Variants in COG2 observed in about 807,000 individuals in gnomAD.
The protein encoded by COG2 is conserved oligomeric Golgi complex subunit 2.
A neutral mutation model predicts 90.6 loss-of-function variants in COG2; 52 were observed. That is an observed-to-expected ratio of 0.57 (90% CI 0.46 to 0.72). The LOEUF is 0.72. Ranked by LOEUF, COG2 falls within the 30% of genes least tolerant of loss-of-function variation. The pLI, the probability that COG2 is intolerant of heterozygous loss-of-function variation, is 0.00. For synonymous variants in COG2, 337 were observed against 320.4 expected (o/e 1.05, Z -0.55); for missense variants, 829 against 891.2 (o/e 0.93, Z 0.89).
Position 230,663,062 on chromosome 1 carries a change from G to A in COG2, c.301-79G>A, listed in dbSNP as rs2296802. ...TACTGGCCTGTAGGTGTTAAGTCCT[G>A]TGGAATTGAATTAAATGTGTAAATT... is the stretch of plus-strand genomic sequence containing the variant. On this transcript the variant is annotated intron_variant, in intron 3 of 17. Coordinates refer to ENST00000366669, the MANE Select transcript of COG2 (RefSeq NM_007357.3). 47,265 of 1,174,762 alleles carry A rather than the reference G, an allele frequency of 0.04. 1,699 individuals carry two copies. The highest frequency in any genetic ancestry group is 0.14 in the East Asian group (5,497 of 39,556). The allele number at this position is 1,174,762 out of a possible 1,614,324, so 72.8% of individuals were successfully genotyped here.
chr1:230,677,612 C>T (rs1418913275), intron 9 of COG2, among the ~76,000 whole-genome samples: 2 of 149,840 alleles, frequency 1.3e-5, no homozygotes, highest in South Asian at 4.3e-4. Context: ...CAATTGTAAG[C>T]TTTAAGCACT....
chr1:230,662,507 C>G (rs1166531779), intron 3 of COG2, among the ~76,000 whole-genome samples: 2 of 152,104 alleles, frequency 1.3e-5, no homozygotes, highest in African/African-American at 2.4e-5. Context: ...GGACATGTTT[C>G]TCCACTTATG....
intron 6 of COG2, chr1:230,669,113 T>G (rs1662387709): frequency 2.6e-5 from 12 of 461,282 alleles, no homozygotes; most frequent in Non-Finnish European, 4.2e-5. Context: ...CTTCGTAGCT[T>G]AAGAGGAAGG....
intron 5 of COG2, among the ~76,000 whole-genome samples, chr1:230,666,055 A>G (rs1378805445): frequency 2.0e-5 from 3 of 151,904 alleles, no homozygotes; most frequent in Non-Finnish European, 2.9e-5. Flanking sequence ...CTGGATGCTG[A>G]TCTCTTTATC....
In COG2 at chr1:230,659,505, G is replaced by A; in HGVS notation, c.114G>A (p.Lys38=). The change falls in exon 2 of 18, where the codon AAG becomes AAA. Residue 38 remains lysine, a synonymous_variant. Coordinates refer to ENST00000366669, the MANE Select transcript of COG2 (RefSeq NM_007357.3). The part of the protein sequence containing the change: ...DVDHFVSDCR[K]RVQLEELRDD... ...ATCATTTTGTGTCTGACTGTAGGAA[G>A]CGGGTCCAGCTGGAAGAACTGAGAG... is the stretch of plus-strand genomic sequence containing the variant. 1 of 1,614,006 alleles carries A rather than the reference G, an allele frequency of 6.2e-7. No individual in the cohort carries two copies. The highest frequency in any genetic ancestry group is 1.1e-5 in the South Asian group (1 of 91,072).
intron 3 of COG2, 74 bp downstream of exon 3, chr1:230,660,897 T>C: frequency 2.0e-6 from 2 of 997,208 alleles, no homozygotes; most frequent in Non-Finnish European, 2.9e-6. Context: ...AAAAAAAAAT[T>C]CCTTTAATCT....
chr1:230,663,511 ATCCC>A (rs1662241984), intron 4 of COG2, among the ~76,000 whole-genome samples: 1 of 152,188 alleles, frequency 6.6e-6, no homozygotes, highest in Non-Finnish European at 1.5e-5. Context: ...TCTCCTTTAG[ATCCC>A]TTCTCAGCTT....
At chr1:230,665,157 G>A (rs752602226) in intron 5 of COG2, among the ~76,000 whole-genome samples, 15 of 152,132 alleles carry the variant, frequency 9.9e-5, no homozygotes, top group Non-Finnish European at 1.6e-4. Context: ...TGAATTGAAT[G>A]GATCATTATG....
At chr1:230,688,300 A>G in intron 14 of COG2, 120 bp from the exon 15 acceptor site, 1 of 1,349,040 alleles carries the variant, frequency 7.4e-7, no homozygotes, top group Non-Finnish European at 1.0e-6. Context: ...AAGATGTTTT[A>G]TTTAATTCAT....
chr1:230,646,435 A>G (rs914390877), intron 1 of COG2, among the ~76,000 whole-genome samples: 2 of 152,094 alleles, frequency 1.3e-5, no homozygotes, highest in Admixed American at 6.5e-5. Flanking sequence ...TCTCTTTTGC[A>G]TAATCATTCT....
intron 1 of COG2, among the ~76,000 whole-genome samples, chr1:230,647,652 C>G (rs1333291059): frequency 2.6e-5 from 4 of 152,142 alleles, no homozygotes; most frequent in Non-Finnish European, 5.9e-5. Context: ...TTCCAGGACA[C>G]CTCCCACCCC....
At chr1:230,684,609 A>G (rs944885181) in intron 11 of COG2, among the ~76,000 whole-genome samples, 5 of 152,192 alleles carry the variant, frequency 3.3e-5, no homozygotes, top group South Asian at 2.1e-4. Context: ...TTTTGAATCA[A>G]TTTTAGCCTC....
At position 230,683,595 on chromosome 1, in the gene COG2, C is replaced by G. The variant is rs778363849; in HGVS notation, c.1188C>G (p.Ser396=). ...TCAGATTTAGAGAAATAGCGGGATC[C>G]TTAGAAGCAGCACTTACAGATGTCC... ...FQIRFREIAG[S]LEAALTDVLE... Residue 396 remains serine (S), a synonymous_variant, in exon 11 of 18, where the codon TCC becomes TCG. Coordinates refer to ENST00000366669, the MANE Select transcript of COG2 (RefSeq NM_007357.3). 3 of 1,612,162 alleles carry G rather than the reference C, an allele frequency of 1.9e-6. No individual in the cohort carries two copies. Among genetic ancestry groups the G allele is most frequent in the Non-Finnish European group, 2.5e-6 (3 of 1,178,594 alleles).
At chr1:230,666,128 C>T (rs574359734) in intron 5 of COG2, among the ~76,000 whole-genome samples, 2 of 152,268 alleles carry the variant, frequency 1.3e-5, no homozygotes, top group South Asian at 2.1e-4. Context: ...GTTTAGTGGA[C>T]GTTCTCCAGG....
chr1:230,669,883 G>C (rs1282780449), intron 7 of COG2: 1 of 201,260 alleles, frequency 5.0e-6, no homozygotes, highest in Non-Finnish European at 1.0e-5. Context: ...CTTGTGGGTG[G>C]ACTAAGGCAA....
intron 12 of COG2, among the ~76,000 whole-genome samples, chr1:230,685,522 C>A (rs1662865483): frequency 6.6e-6 from 1 of 151,396 alleles, no homozygotes; most frequent in African/African-American, 2.4e-5. Flanking sequence ...GAACTGCCTC[C>A]AAATTTAAAA....
chr1:230,685,958 G>C (rs560062208), intron 12 of COG2, among the ~76,000 whole-genome samples: 1 of 152,208 alleles, frequency 6.6e-6, no homozygotes, highest in Non-Finnish European at 1.5e-5. Context: ...ACAACAGGGA[G>C]AAAACAGCAC....
intron 17 of COG2, among the ~76,000 whole-genome samples, chr1:230,692,444 C>G (rs892887321): frequency 1.3e-5 from 2 of 151,846 alleles, no homozygotes; most frequent in Admixed American, 6.6e-5. Context: ...GAAAATTCAA[C>G]TTTTTTCTGC....
chr1:230,669,315 C>G, intron 6 of COG2, 41 bp from the exon 7 acceptor site: 2 of 1,574,204 alleles, frequency 1.3e-6, no homozygotes, highest in Non-Finnish European at 1.7e-6. Flanking sequence ...GAAACTGTTA[C>G]AACTAGAGCT....
Sources: allele counts gnomAD v4.1 joint callset (sites outside exome capture counted in the v4.1 genomes callset), GRCh38; gene constraint gnomAD v4.1.1; transcripts MANE v1.5; gene names NCBI Gene and HGNC (gene_info 2026-07-23, HGNC 2026-07-21).